Variants in DMD observed in about 807,000 individuals in gnomAD.
DMD encodes the protein dystrophin.
A neutral mutation model predicts 330.1 loss-of-function variants in DMD; 63 were observed. The observed-to-expected ratio is 0.19, with a 90% confidence interval of 0.16 to 0.24. DMD has a LOEUF of 0.24. Among genes scored for constraint, DMD ranks in the 10% least tolerant of loss-of-function variants. The pLI is 1.00. For synonymous variants in DMD, 1,223 were observed against 959.8 expected (o/e 1.27, Z -5.07); for missense variants, 3,344 against 2,684.1 (o/e 1.25, Z -5.43).
Position 32,699,158 on chromosome X carries a change from T to A in DMD, c.785A>T (p.Lys262Ile), listed in dbSNP as rs763389880. The A allele has an allele frequency of 8.3e-7, 1 of 1,210,532 alleles. No individual in the cohort carries two copies. The highest frequency in any genetic ancestry group is 3.0e-5 in the East Asian group (1 of 33,787). The change falls in exon 8 of 79, where the codon AAA becomes ATA. Residue 262 changes from lysine (K) to isoleucine (I), a missense_variant. Lys to Ile is a moderately radical substitution (Grantham distance 102). Coordinates refer to ENST00000357033, the MANE Select transcript of DMD (RefSeq NM_004006.3). The part of the protein sequence containing the change: ...EMLPRPPKVT[K>I]EEHFQLHHQM... ...ATGATGTAACTGAAAATGTTCTTCT[T>A]TAGTCACTTTAGGTGGCCTTGGCAA... is the stretch of plus-strand genomic sequence containing the variant.
intron 1 of DMD, among the ~76,000 whole-genome samples, chrX:33,299,967 T>C (rs1284057467): frequency 1.8e-5 from 2 of 111,618 alleles, no homozygotes; most frequent in Non-Finnish European, 3.8e-5. Context: ...CTAAACTGTA[T>C]CCACTAGAGA....
intron 44 of DMD, among the ~76,000 whole-genome samples, chrX:31,991,189 C>A (rs1441604682): frequency 5.4e-5 from 6 of 111,224 alleles, no homozygotes; most frequent in African/African-American, 9.8e-5. Context: ...TATACCAGAT[C>A]TTGTAAATAG....
chrX:32,891,554 G>T (rs1161281335), intron 2 of DMD, among the ~76,000 whole-genome samples: 1 of 111,680 alleles, frequency 9.0e-6, no homozygotes, highest in East Asian at 2.8e-4. Context: ...ATCTAATAAA[G>T]CGATGTAGGA....
intron 55 of DMD, among the ~76,000 whole-genome samples, chrX:31,509,689 G>A (rs1326650275): frequency 8.9e-6 from 1 of 111,874 alleles, no homozygotes; most frequent in African/African-American, 3.2e-5. Flanking sequence ...GTTGATTCAT[G>A]AATTTGCTAC....
chrX:31,373,658 C>T (rs1352516702), intron 60 of DMD, among the ~76,000 whole-genome samples: 22 of 110,280 alleles, frequency 2.0e-4, no homozygotes, highest in African/African-American at 4.3e-4. Context: ...ACACCTTATA[C>T]GAAAATTAAT....
chrX:31,751,323 C>T (rs767101444), intron 51 of DMD, among the ~76,000 whole-genome samples: 2 of 111,323 alleles, frequency 1.8e-5, no homozygotes, highest in South Asian at 3.8e-4. Flanking sequence ...AAGGTCTCTT[C>T]CCAAGCAACT....
At chrX:32,505,706 T>C (rs982290298) in intron 18 of DMD, among the ~76,000 whole-genome samples, 1 of 112,297 alleles carries the variant, frequency 8.9e-6, no homozygotes, top group African/African-American at 3.2e-5. Context: ...TGCACATGAA[T>C]GCTGCAGCAG....
chrX:31,973,763 G>A (rs2095416532), intron 44 of DMD, among the ~76,000 whole-genome samples: 1 of 111,640 alleles, frequency 9.0e-6, no homozygotes, highest in African/African-American at 3.3e-5. Context: ...CCTTTGTATA[G>A]GTATTTATAA....
At chrX:31,705,063 C>T (rs989824073) in intron 52 of DMD, among the ~76,000 whole-genome samples, 1 of 112,116 alleles carries the variant, frequency 8.9e-6, no homozygotes, top group East Asian at 2.8e-4. Flanking sequence ...AGATTTTGGT[C>T]TTCAACCTCA....
chrX:32,975,125 T>C (rs1271638607), intron 2 of DMD, among the ~76,000 whole-genome samples: 1 of 110,783 alleles, frequency 9.0e-6, no homozygotes, highest in Non-Finnish European at 1.9e-5. Flanking sequence ...CCTTGAAGCA[T>C]CATTTTTTTT....
chrX:31,206,686 G>A lies in DMD; in HGVS notation c.9564-19C>T, dbSNP rs2044100975. On this transcript the variant is annotated intron_variant, in intron 65 of 78. Coordinates refer to ENST00000357033, the MANE Select transcript of DMD (RefSeq NM_004006.3). ...TCGTCCCCTATTATGAAGAATCAAA[G>A]CAGAAAACAATTACTGACCCTTTCC... 2.6e-6 allele frequency: 3 copies of A among 1,168,260 alleles called. No individual in the cohort carries two copies. The highest frequency in any genetic ancestry group is 3.5e-6 in the Non-Finnish European group (3 of 857,243).
chrX:32,101,832 G>A (rs1364488343), intron 44 of DMD, among the ~76,000 whole-genome samples: 1 of 111,080 alleles, frequency 9.0e-6, no homozygotes, highest in Admixed American at 9.6e-5. Context: ...TGGCAGCACC[G>A]GGAGATTGTG....
chrX:32,778,488 C>A (rs769637154), intron 7 of DMD, among the ~76,000 whole-genome samples: 2 of 111,298 alleles, frequency 1.8e-5, no homozygotes, highest in African/African-American at 6.5e-5. Flanking sequence ...AACATATTCC[C>A]AAAATCTTAA....
chrX:32,927,317 A>T (rs1206471655), intron 2 of DMD, among the ~76,000 whole-genome samples: 1 of 109,261 alleles, frequency 9.2e-6, no homozygotes, highest in Non-Finnish European at 1.9e-5. Context: ...GTTATGAAGG[A>T]AATATAACTT....
chrX:32,555,762 G>A (rs1460316864), intron 16 of DMD, among the ~76,000 whole-genome samples: 1 of 111,709 alleles, frequency 9.0e-6, no homozygotes, highest in Non-Finnish European at 1.9e-5. Flanking sequence ...TGCTGGGATA[G>A]TCCTATGCAG....
chrX:32,761,618 T>C (rs909447801), intron 7 of DMD, among the ~76,000 whole-genome samples: 1 of 111,633 alleles, frequency 9.0e-6, no homozygotes, highest in Non-Finnish European at 1.9e-5. Context: ...ACTGTGTGTA[T>C]GGCGAGTGCA....
chrX:32,429,533 C>A (rs1174551146), intron 29 of DMD, among the ~76,000 whole-genome samples: 1 of 107,261 alleles, frequency 9.3e-6, no homozygotes, highest in Non-Finnish European at 1.9e-5. Flanking sequence ...TTTCTACCAT[C>A]TATTTTTTTC....
In DMD at chrX:31,447,676, T is replaced by C. The variant is rs149850085; in HGVS notation, c.8938-3049A>G. ...AAGAAAATAAATATTGTTGAAGTAGTTGTGAACAAGACAACTGCTAAAGAT... is the reference window on the plus strand; with the variant it reads ...AAGAAAATAAATATTGTTGAAGTAGCTGTGAACAAGACAACTGCTAAAGAT... On this transcript the variant is annotated intron_variant, in intron 59 of 78. Transcript: ENST00000357033. Among the ~76,000 whole-genome samples, 415 of 110,993 alleles carry C rather than the reference T, an allele frequency of 3.7e-3. 1 individual carries two copies. Among genetic ancestry groups the C allele is most frequent in the African/African-American group, 0.013 (393 of 30,643 alleles).
At chrX:31,740,213 G>A (rs1341413812) in intron 51 of DMD, among the ~76,000 whole-genome samples, 2 of 112,004 alleles carry the variant, frequency 1.8e-5, no homozygotes, top group Non-Finnish European at 3.8e-5. Context: ...TATAAAGGGC[G>A]TTGATAATTT....
Sources: gnomAD v4.1 joint callset for allele counts (sites outside exome capture counted in the v4.1 genomes callset) on GRCh38, gnomAD v4.1.1 for gene constraint, MANE v1.5 for transcripts, NCBI Gene and HGNC (gene_info 2026-07-23, HGNC 2026-07-21) for gene names.